Variants in DGKB observed in about 807,000 individuals in gnomAD.
The protein encoded by DGKB is diacylglycerol kinase beta, also known as 90 kDa diacylglycerol kinase.
DGKB carries 67 observed loss-of-function variants against 114.3 expected under a neutral mutation model. The observed-to-expected ratio is 0.59, with a 90% CI of 0.48 to 0.72. DGKB has a LOEUF of 0.72. DGKB is among the 30% of genes least tolerant of loss of function. The pLI, the probability that DGKB is intolerant of heterozygous loss-of-function variation, is 0.00. For missense variants in DGKB, 907 were observed against 975.2 expected, an observed-to-expected ratio of 0.93 and a Z score of 0.93; for synonymous variants, 398 against 323.1, an observed-to-expected ratio of 1.23 and a Z score of -2.49.
intron 5 of DGKB, among the ~76,000 whole-genome samples, chr7:14,725,851 A>G (rs374457120): frequency 1.8e-4 from 27 of 152,238 alleles, no homozygotes; most frequent in African/African-American, 4.8e-4. Flanking sequence ...CGCAACCAAT[A>G]TGTTGAAATT....
chr7:14,440,556 T>C (rs1829941723), intron 21 of DGKB, among the ~76,000 whole-genome samples: 1 of 152,200 alleles, frequency 6.6e-6, no homozygotes, highest in Non-Finnish European at 1.5e-5. Flanking sequence ...TACATTCAGA[T>C]TGATAAAGGT....
At chr7:14,766,980 GA>G (rs921236629) in intron 2 of DGKB, among the ~76,000 whole-genome samples, 62 of 147,598 alleles carry the variant, frequency 4.2e-4, no homozygotes, top group South Asian at 1.1e-3. Context: ...CAGTAGCTGG[GA>G]AAAAAAAAAT....
intron 2 of DGKB, among the ~76,000 whole-genome samples, chr7:14,801,475 T>G (rs1198753209): frequency 6.6e-6 from 1 of 152,156 alleles, no homozygotes; most frequent in Non-Finnish European, 1.5e-5. Context: ...AGACTAGCAT[T>G]TGAATTGGTG....
chr7:14,730,864 T>A (rs1483698625), intron 5 of DGKB, among the ~76,000 whole-genome samples: 8 of 152,160 alleles, frequency 5.3e-5, no homozygotes, highest in Admixed American at 5.2e-4. Flanking sequence ...GAAAAATAAG[T>A]TTAATTAAAA....
At chr7:14,164,245 T>G (rs190397789) in intron 25 of DGKB, among the ~76,000 whole-genome samples, 1 of 152,278 alleles carries the variant, frequency 6.6e-6, no homozygotes, top group Non-Finnish European at 1.5e-5. Flanking sequence ...TTCTGTTGAT[T>G]TTTTCTCCCA....
intron 23 of DGKB, among the ~76,000 whole-genome samples, chr7:14,190,372 T>C (rs974966470): frequency 2.6e-5 from 4 of 152,096 alleles, no homozygotes; most frequent in Non-Finnish European, 5.9e-5. Context: ...CCAAAACCCA[T>C]GGGACACAAT....
chr7:14,159,196 CTCTCT>C (rs902302200), intron 25 of DGKB, among the ~76,000 whole-genome samples: 4 of 152,226 alleles, frequency 2.6e-5, no homozygotes, highest in Admixed American at 1.3e-4. Flanking sequence ...CCCACGCTGC[CTCTCT>C]TCTTTCATGT....
At chr7:14,206,111 T>C (rs1292573866) in intron 23 of DGKB, among the ~76,000 whole-genome samples, 1 of 152,022 alleles carries the variant, frequency 6.6e-6, no homozygotes, top group East Asian at 1.9e-4. Context: ...AAATGAGCTA[T>C]ACAGACATAA....
chr7:14,183,848 T>C lies in DGKB; in HGVS notation c.2123-5697A>G, dbSNP rs183217591. On this transcript the variant is annotated intron_variant, in intron 23 of 25. Transcript: ENST00000402815. ...CAGCTCCAGACAGAGCAGCTCGCAT[T>C]GTAAATTTTAGCTCAATAGATTGCA... Among the ~76,000 whole-genome samples, 22 of 152,276 alleles carry C rather than the reference T, an allele frequency of 1.4e-4. No individual in the cohort carries two copies. In the East Asian group the frequency reaches 3.5e-3, roughly 24 times the overall value.
chr7:14,349,019 C>G (rs991355), intron 21 of DGKB, among the ~76,000 whole-genome samples: 118,374 of 151,892 alleles, frequency 0.78, 47,197 homozygotes, highest in African/African-American at 0.92. Flanking sequence ...GGGGTGACAT[C>G]GTGAACTTTG....
At chr7:14,194,036 G>A (rs565410076) in intron 23 of DGKB, among the ~76,000 whole-genome samples, 1 of 152,216 alleles carries the variant, frequency 6.6e-6, no homozygotes, top group East Asian at 1.9e-4. Context: ...TTATCAGAAA[G>A]ACAAAAGAAA....
chr7:14,289,744 C>CAAAAA (rs3067647), intron 23 of DGKB, among the ~76,000 whole-genome samples: 3 of 126,812 alleles, frequency 2.4e-5, no homozygotes, highest in Non-Finnish European at 3.4e-5. Context: ...AGACATGGAC[C>CAAAAA]AAAAAAAAAA....
intron 2 of DGKB, among the ~76,000 whole-genome samples, chr7:14,794,090 C>T (rs1331123670): frequency 6.6e-6 from 1 of 152,140 alleles, no homozygotes; most frequent in Admixed American, 6.5e-5. Flanking sequence ...GCAGAAAGCA[C>T]ATTGTGAGAC....
At chr7:14,546,628 T>C (rs1027323300) in intron 20 of DGKB, among the ~76,000 whole-genome samples, 1 of 152,112 alleles carries the variant, frequency 6.6e-6, no homozygotes, top group Non-Finnish European at 1.5e-5. Flanking sequence ...AGGCAGCAAA[T>C]TTCCACTAGG....
intron 1 of DGKB, among the ~76,000 whole-genome samples, chr7:14,853,672 C>G (rs911280653): frequency 6.6e-6 from 1 of 151,612 alleles, no homozygotes; most frequent in Admixed American, 6.6e-5. Context: ...CTGGCCAACA[C>G]GGTGAAACCA....
At chr7:14,264,741 A>G (rs1227442961) in intron 23 of DGKB, among the ~76,000 whole-genome samples, 3 of 152,202 alleles carry the variant, frequency 2.0e-5, no homozygotes, top group Non-Finnish European at 4.4e-5. Context: ...GCAGCTATGT[A>G]GATGAGACAT....
chr7:14,294,232 C>T (rs1802190649), intron 23 of DGKB, among the ~76,000 whole-genome samples: 1 of 152,120 alleles, frequency 6.6e-6, no homozygotes, highest in African/African-American at 2.4e-5. Context: ...TGGGCCCACC[C>T]AGATATTCCA....
chr7:14,643,906 C>G (rs1437026952), intron 13 of DGKB, among the ~76,000 whole-genome samples: 1 of 152,170 alleles, frequency 6.6e-6, no homozygotes, highest in East Asian at 1.9e-4. Flanking sequence ...AATAGTGGGG[C>G]TGCTGCGCAC....
chr7:14,619,265 A>G (rs6951812), intron 15 of DGKB, among the ~76,000 whole-genome samples: 45,105 of 151,316 alleles, frequency 0.3, 8,697 homozygotes, highest in Non-Finnish European at 0.43. Context: ...TGTCAAAGAA[A>G]GTTATAAAAA....
Sources: gnomAD v4.1 joint callset for allele counts (sites outside exome capture counted in the v4.1 genomes callset) on GRCh38, gnomAD v4.1.1 for gene constraint, MANE v1.5 for transcripts, NCBI Gene and HGNC (gene_info 2026-07-23, HGNC 2026-07-21) for gene names.